Variants in GPR63 observed in about 807,000 individuals in gnomAD.
The protein encoded by GPR63 is probable G protein-coupled receptor 63.
A neutral mutation model predicts 23.1 loss-of-function variants in GPR63; 12 were observed. That is an observed-to-expected ratio of 0.52 (90% confidence interval 0.33 to 0.84). The LOEUF (loss-of-function observed/expected upper bound fraction) is 0.84, where lower values mean the gene tolerates loss of function less well. GPR63 is among the 40% of genes least tolerant of loss of function. The pLI, the probability that GPR63 is intolerant of heterozygous loss-of-function variation, is 0.02. For synonymous variants in GPR63, 172 were observed against 191.1 expected, an observed-to-expected ratio of 0.90 and a Z score of 0.82; for missense variants, 472 against 515.6, an observed-to-expected ratio of 0.92 and a Z score of 0.82.
At chr6:96,811,069 T>C (rs901020648) in intron 1 of GPR63, among the ~76,000 whole-genome samples, 2 of 152,314 alleles carry the variant, frequency 1.3e-5, no homozygotes, top group East Asian at 3.9e-4. Context: ...CTGCAGATTC[T>C]GCAGGACCTG....
intron 1 of GPR63, among the ~76,000 whole-genome samples, chr6:96,825,499 T>C (rs1774418384): frequency 6.6e-6 from 1 of 152,052 alleles, no homozygotes; most frequent in South Asian, 2.1e-4. Context: ...TTAAAAAAAA[T>C]AGCTACTAGA....
intron 1 of GPR63, among the ~76,000 whole-genome samples, chr6:96,805,989 T>C (rs1481047331): frequency 1.3e-5 from 2 of 152,236 alleles, no homozygotes; most frequent in African/African-American, 2.4e-5. Context: ...TGTCAAATTC[T>C]GGTTTTCTCT....
chr6:96,799,183 TATA>T lies in GPR63; in HGVS notation c.546_548del (p.Ile183del). 1.5e-5 allele frequency: 24 copies of T among 1,614,196 alleles called. No individual in the cohort carries two copies. Among genetic ancestry groups the T allele is most frequent in the Non-Finnish European group, 2.0e-5 (24 of 1,180,040 alleles). On this transcript the variant is annotated inframe_deletion, in exon 2 of 2. Coordinates refer to ENST00000229955, the MANE Select transcript of GPR63 (RefSeq NM_030784.4). Reference sequence around the variant, plus strand: ...GGTTTAGCTTATCCTGCCTCTGGACTATAATAAGGAACCTATCTATGCTAATGA... The same window carrying T: ...GGTTTAGCTTATCCTGCCTCTGGACTATAAGGAACCTATCTATGCTAATGA...
chr6:96,836,776 G>C (rs572409158), intron 1 of GPR63, among the ~76,000 whole-genome samples: 15 of 152,278 alleles, frequency 9.9e-5, no homozygotes, highest in African/African-American at 2.9e-4. Context: ...TCTCTTAACT[G>C]TTGGAGCGCG....
At chr6:96,800,236 T>C (rs1773726991) in intron 1 of GPR63, among the ~76,000 whole-genome samples, 1 of 152,218 alleles carries the variant, frequency 6.6e-6, no homozygotes, top group African/African-American at 2.4e-5. Flanking sequence ...CTATAGTCAC[T>C]ATTAATACAG....
At chr6:96,831,889 C>T (rs564190093) in intron 1 of GPR63, among the ~76,000 whole-genome samples, 12 of 150,982 alleles carry the variant, frequency 7.9e-5, no homozygotes, top group Non-Finnish European at 1.6e-4. Context: ...CTGGGCAACA[C>T]GGTGAGACTC....
chr6:96,808,187 T>C (rs1338400787), intron 1 of GPR63, among the ~76,000 whole-genome samples: 1 of 152,228 alleles, frequency 6.6e-6, no homozygotes, highest in East Asian at 1.9e-4. Flanking sequence ...CTATATTTTT[T>C]TACCAGAATA....
rs762704908 is a variant in GPR63 at position 96,799,683 on chromosome 6, T to C, written c.49A>G (p.Thr17Ala). ...GTGTTTTCATACACGACAAATGTTGTGTTGGATGTCCCGGTATGGAACGCA... is the reference window on the plus strand; with the variant it reads ...GTGTTTTCATACACGACAAATGTTGCGTTGGATGTCCCGGTATGGAACGCA... ...LTAFHTGTSN[T>A]TFVVYENTYM... Residue 17 changes from threonine (T) to alanine (A), a missense_variant, in exon 2 of 2, where the codon ACA becomes GCA. Thr to Ala is a moderately conservative substitution (Grantham distance 58). Transcript: ENST00000229955. 1 of 1,614,054 alleles carries C rather than the reference T, an allele frequency of 6.2e-7. No individual in the cohort carries two copies. Among genetic ancestry groups the C allele is most frequent in the East Asian group, 2.2e-5 (1 of 44,888 alleles).
intron 1 of GPR63, among the ~76,000 whole-genome samples, chr6:96,828,824 T>TG (rs1196814353): frequency 4.6e-5 from 7 of 152,000 alleles, no homozygotes; most frequent in Admixed American, 3.3e-4. Flanking sequence ...GAAAGGTGTG[T>TG]CAAGCCCATC....
intron 1 of GPR63, among the ~76,000 whole-genome samples, chr6:96,824,137 T>C (rs552160503): frequency 2.2e-4 from 33 of 152,240 alleles, no homozygotes; most frequent in African/African-American, 7.7e-4. Flanking sequence ...AGTTTATTTG[T>C]TATAGTTTGG....
At chr6:96,817,112 G>GA (rs1774183751) in intron 1 of GPR63, among the ~76,000 whole-genome samples, 1 of 151,928 alleles carries the variant, frequency 6.6e-6, no homozygotes, top group Admixed American at 6.6e-5. Flanking sequence ...CTCATCCTTT[G>GA]AATATATATA....
Position 96,799,552 on chromosome 6 carries a change from G to A in GPR63, c.180C>T (p.Thr60=), listed in dbSNP as rs751053939. ...TTGTGGGCACAGCTGTACTATTCAC[G>A]GTCAAGGAACTCAAACCAGTGGGAG... ...TMAPTGLSSL[T]VNSTAVPTTP... The change falls in exon 2 of 2, where the codon ACC becomes ACT. Residue 60 remains threonine, a synonymous_variant. Coordinates refer to ENST00000229955, the MANE Select transcript of GPR63 (RefSeq NM_030784.4). 21 of 1,613,958 alleles carry A rather than the reference G, an allele frequency of 1.3e-5. No individual in the cohort carries two copies. The highest frequency in any genetic ancestry group is 6.6e-5 in the South Asian group (6 of 91,066).
chr6:96,802,035 T>A (rs1287556941), intron 1 of GPR63, among the ~76,000 whole-genome samples: 1 of 152,092 alleles, frequency 6.6e-6, no homozygotes, highest in Admixed American at 6.5e-5. Context: ...TCTAGAAAAA[T>A]TATAAATAGA....
intron 1 of GPR63, among the ~76,000 whole-genome samples, chr6:96,826,563 C>T (rs938938592): frequency 6.6e-6 from 1 of 152,062 alleles, no homozygotes; most frequent in Non-Finnish European, 1.5e-5. Context: ...TTAAGGTCTG[C>T]TTATTAACCT....
At chr6:96,820,803 T>C (rs1323587962) in intron 1 of GPR63, among the ~76,000 whole-genome samples, 2 of 152,210 alleles carry the variant, frequency 1.3e-5, no homozygotes, top group South Asian at 2.1e-4. Flanking sequence ...CAATTAGACA[T>C]TTAATTTTTC....
chr6:96,823,409 G>T (rs1441267488), intron 1 of GPR63, among the ~76,000 whole-genome samples: 1 of 151,900 alleles, frequency 6.6e-6, no homozygotes, highest in East Asian at 1.9e-4. Flanking sequence ...TAACAAAAAA[G>T]CTTAAAAGTT....
intron 1 of GPR63, among the ~76,000 whole-genome samples, chr6:96,817,551 A>C (rs1400143655): frequency 1.3e-5 from 2 of 152,204 alleles, no homozygotes; most frequent in Admixed American, 6.5e-5. Flanking sequence ...GTTAAATACA[A>C]GTATATTCCT....
chr6:96,799,119 T>C lies in GPR63; in HGVS notation c.613A>G (p.Thr205Ala), dbSNP rs867259933. 1.9e-6 allele frequency: 3 copies of C among 1,614,102 alleles called. No individual in the cohort carries two copies. The highest frequency in any genetic ancestry group is 1.7e-5 in the Admixed American group (1 of 60,012). Residue 205 changes from threonine (T) to alanine (A), a missense_variant, in exon 2 of 2, where the codon ACT becomes GCT. Transcript: ENST00000229955. Reference protein sequence around the residue: ...AKVLIAVSWATSFCVAFPLAV... With the variant: ...AKVLIAVSWAASFCVAFPLAV... ...AAAGGAAAAGCTACACAAAAGGAAG[T>C]TGCCCAAGAAACTGCAATCAGAACC...
At position 96,798,614 on chromosome 6, in the gene GPR63, CAGT is replaced by C; in HGVS notation, c.1115_1117del (p.Tyr372del). ...AGCATCATGGAATTTCTTAATCCTC[CAGT>C]AGTAGATCAGCGGATTCAATGCAGA... On this transcript the variant is annotated inframe_deletion, in exon 2 of 2. Transcript: ENST00000229955. 1.2e-6 allele frequency: 2 copies of C among 1,614,134 alleles called. No homozygotes were observed. The highest frequency in any genetic ancestry group is 8.5e-7 in the Non-Finnish European group (1 of 1,180,028).
Sources: gnomAD v4.1 joint callset for allele counts (sites outside exome capture counted in the v4.1 genomes callset) on GRCh38, gnomAD v4.1.1 for gene constraint, MANE v1.5 for transcripts, NCBI Gene and HGNC (gene_info 2026-07-23, HGNC 2026-07-21) for gene names.